FTCDNL1: variants seen among roughly 807,000 people sequenced by gnomAD.
FTCDNL1 encodes formiminotransferase cyclodeaminase N-terminal like.
Under a neutral mutation model 5.9 loss-of-function variants are expected in FTCDNL1, and 11 were observed. The ratio of observed to expected loss-of-function variants is 1.87; its 90% CI spans 1.18 to 3.10. The LOEUF is 3.10. Ranked by LOEUF, FTCDNL1 falls within the 30% of genes most tolerant of loss-of-function variation. The pLI, the probability that FTCDNL1 is intolerant of heterozygous loss-of-function variation, is 0.00. For missense variants in FTCDNL1, 115 were observed against 65.5 expected, an observed-to-expected ratio of 1.76 and a Z score of -2.61; for synonymous variants, 58 against 24.8, an observed-to-expected ratio of 2.34 and a Z score of -3.99.
intron 3 of FTCDNL1, among the ~76,000 whole-genome samples, chr2:199,822,584 T>C (rs1701766430): frequency 6.6e-6 from 1 of 152,198 alleles, no homozygotes; most frequent in Non-Finnish European, 1.5e-5. Context: ...GTTTACTGCA[T>C]CAATTGGCTT....
intron 3 of FTCDNL1, among the ~76,000 whole-genome samples, chr2:199,830,767 C>T (rs534467707): frequency 6.6e-6 from 1 of 152,266 alleles, no homozygotes; most frequent in African/African-American, 2.4e-5. Context: ...TGTACACATG[C>T]ACGAGATACA....
chr2:199,763,400 G>A (rs1478429511), intron 3 of FTCDNL1, among the ~76,000 whole-genome samples: 1 of 152,156 alleles, frequency 6.6e-6, no homozygotes, highest in Non-Finnish European at 1.5e-5. Flanking sequence ...TATTACAAGG[G>A]TGGGAGGGGA....
At chr2:199,839,750 T>C (rs566519970) in intron 3 of FTCDNL1, among the ~76,000 whole-genome samples, 7 of 152,266 alleles carry the variant, frequency 4.6e-5, no homozygotes, top group African/African-American at 1.4e-4. Flanking sequence ...GAAGTCTCAA[T>C]AGCAATGTGG....
In FTCDNL1 at chr2:199,840,976, C is replaced by A. The variant is rs77561972; in HGVS notation, c.211+5099G>T. Among the ~76,000 whole-genome samples the A allele has an allele frequency of 4.2e-4, 64 of 152,040 alleles. No individual in the cohort carries two copies. The East Asian group carries it at 0.012, about 28-fold the overall frequency. ...GACCCACCTGGGCAACATGACAAGA[C>A]CCTGTCTCTATAAAAAATACAAAAA... is the stretch of plus-strand genomic sequence containing the variant. On this transcript the variant is annotated intron_variant, in intron 3 of 4. Coordinates refer to ENST00000420128, the MANE Select transcript of FTCDNL1 (RefSeq NM_001363886.2).
At chr2:199,675,228 T>C in the FTCDNL1 span, among the ~76,000 whole-genome samples, 1 of 152,178 alleles carries the variant, frequency 6.6e-6, no homozygotes, top group Non-Finnish European at 1.5e-5. Context: ...TCCTTTATTG[T>C]CCCACTCTTG....
chr2:199,792,127 A>G (rs930641566), intron 3 of FTCDNL1, among the ~76,000 whole-genome samples: 1 of 150,630 alleles, frequency 6.6e-6, no homozygotes, highest in African/African-American at 2.5e-5. Flanking sequence ...AAGAAAAAGC[A>G]AATGGTGGGA....
chr2:199,719,161 TTA>T, the FTCDNL1 span, among the ~76,000 whole-genome samples: 4,131 of 152,292 alleles, frequency 0.027, 181 homozygotes, highest in African/African-American at 0.094. Flanking sequence ...TCTAGTGTTT[TTA>T]TAGTTTCAGG....
chr2:199,764,788 C>G (rs1698434105), intron 3 of FTCDNL1, among the ~76,000 whole-genome samples: 1 of 152,186 alleles, frequency 6.6e-6, no homozygotes, highest in African/African-American at 2.4e-5. Flanking sequence ...GATGAGCTTT[C>G]TGTTGTGACT....
At chr2:199,796,110 A>C (rs1700158912) in intron 3 of FTCDNL1, among the ~76,000 whole-genome samples, 1 of 152,196 alleles carries the variant, frequency 6.6e-6, no homozygotes, top group African/African-American at 2.4e-5. Context: ...TATGTTATTG[A>C]AAAAAATACA....
the FTCDNL1 span, among the ~76,000 whole-genome samples, chr2:199,747,805 C>A: frequency 6.6e-6 from 1 of 152,132 alleles, no homozygotes; most frequent in Non-Finnish European, 1.5e-5. Flanking sequence ...TTGCCAGAAA[C>A]CCTAAGCCAA....
chr2:199,723,116 G>A, the FTCDNL1 span, among the ~76,000 whole-genome samples: 1 of 151,030 alleles, frequency 6.6e-6, no homozygotes, highest in Non-Finnish European at 1.5e-5. Flanking sequence ...CCCTCCCCCT[G>A]CCCCCACCAA....
chr2:199,767,681 C>T (rs115361852), intron 3 of FTCDNL1, among the ~76,000 whole-genome samples: 183 of 152,256 alleles, frequency 1.2e-3, no homozygotes, highest in African/African-American at 4.0e-3. Flanking sequence ...TCTTCTACCA[C>T]GTGAGAACAT....
chr2:199,797,829 C>G (rs1168057887), intron 3 of FTCDNL1, among the ~76,000 whole-genome samples: 1 of 152,212 alleles, frequency 6.6e-6, no homozygotes. Context: ...AAGCTCCAAT[C>G]TGGTAGCCAC....
At chr2:199,751,885 T>C in the FTCDNL1 span, among the ~76,000 whole-genome samples, 1 of 152,010 alleles carries the variant, frequency 6.6e-6, no homozygotes, top group Non-Finnish European at 1.5e-5. Flanking sequence ...AATCAGGATT[T>C]TTTTTTTATG....
At chr2:199,677,974 A>C in the FTCDNL1 span, among the ~76,000 whole-genome samples, 1 of 152,186 alleles carries the variant, frequency 6.6e-6, no homozygotes, top group Non-Finnish European at 1.5e-5. Flanking sequence ...ATTTCTAGAA[A>C]AGGGAGGGCT....
At chr2:199,667,840 T>C in the FTCDNL1 span, among the ~76,000 whole-genome samples, 1 of 152,100 alleles carries the variant, frequency 6.6e-6, no homozygotes, top group African/African-American at 2.4e-5. Context: ...ATAAGCCTCA[T>C]AGTAAGTGCT....
At chr2:199,800,186 C>T (rs772751941) in intron 3 of FTCDNL1, among the ~76,000 whole-genome samples, 1 of 152,126 alleles carries the variant, frequency 6.6e-6, no homozygotes, top group Non-Finnish European at 1.5e-5. Context: ...ACTCTAGGAA[C>T]TGGAGAGCAA....
In FTCDNL1 at chr2:199,812,706, C is replaced by T. The variant is rs1468922453; in HGVS notation, c.416G>A (p.Ter139=). Reference sequence around the variant, plus strand: ...TCCAATTTTCTTCCAACACAACTGTCACAACGCCCTGAAGCAAGCTAAAAA... The same window carrying T: ...TCCAATTTTCTTCCAACACAACTGTTACAACGCCCTGAAGCAAGCTAAAAA... The part of the protein sequence containing the change: ...CGLTACFRAL[*] Residue 139 remains the stop codon, a stop_retained_variant, in exon 5 of 5, where the codon TGA becomes TAA. Transcript: ENST00000420128. 4 of 699,252 alleles carry T rather than the reference C, an allele frequency of 5.7e-6. No individual in the cohort carries two copies. The highest frequency in any genetic ancestry group is 1.0e-5 in the Non-Finnish European group (4 of 383,736). The allele number at this position is 699,252 out of a possible 1,614,324, so 43.3% of individuals were successfully genotyped here.
chr2:199,692,790 A>G, the FTCDNL1 span, among the ~76,000 whole-genome samples: 1 of 150,020 alleles, frequency 6.7e-6, no homozygotes, highest in Admixed American at 6.6e-5. Flanking sequence ...ATGCAGAGCA[A>G]TTATAGATGA....
Sources: allele counts gnomAD v4.1 joint callset (sites outside exome capture counted in the v4.1 genomes callset), GRCh38; gene constraint gnomAD v4.1.1; transcripts MANE v1.5; gene names NCBI Gene and HGNC (gene_info 2026-07-23, HGNC 2026-07-21).